Variants in SPRED2 observed in about 807,000 individuals in gnomAD.
SPRED2 encodes the protein sprouty related EVH1 domain containing 2, also known as sprouty-related, EVH1 domain-containing protein 2.
In SPRED2, 47 loss-of-function variants were observed where a neutral mutation model predicts 43.0. The observed-to-expected ratio is 1.09, with a 90% confidence interval of 0.87 to 1.40. The LOEUF (loss-of-function observed/expected upper bound fraction) is 1.40. Ranked by LOEUF, SPRED2 falls within the 40% of genes most tolerant of loss-of-function variation. The probability of loss-of-function intolerance (pLI) is 0.00; values close to 1 mark genes in which losing one functional copy is unlikely to be tolerated. For synonymous variants in SPRED2, 225 were observed against 225.7 expected, an observed-to-expected ratio of 1.00 and a Z score of 0.03; for missense variants, 561 against 586.4, an observed-to-expected ratio of 0.96 and a Z score of 0.45.
At chr2:65,359,487 A>C (rs548441515) in intron 1 of SPRED2, among the ~76,000 whole-genome samples, 3 of 138,490 alleles carry the variant, frequency 2.2e-5, no homozygotes, top group Non-Finnish European at 4.8e-5. Context: ...GAGGCACTAG[A>C]AGGCATTTTT....
chr2:65,345,010 A>T, intron 1 of SPRED2, 114 bp from the exon 2 acceptor site: 1 of 1,054,894 alleles, frequency 9.5e-7, no homozygotes, highest in East Asian at 2.6e-5. Flanking sequence ...TATCGAAAGA[A>T]ATCTATGCTT....
intron 1 of SPRED2, among the ~76,000 whole-genome samples, chr2:65,411,512 G>A (rs972851384): frequency 1.3e-5 from 2 of 152,150 alleles, no homozygotes; most frequent in African/African-American, 4.8e-5. Context: ...TGAAGTAAAT[G>A]GCTTGAAGGG....
chr2:65,425,794 G>C (rs1386725615), intron 1 of SPRED2, among the ~76,000 whole-genome samples: 1 of 152,208 alleles, frequency 6.6e-6, no homozygotes, highest in African/African-American at 2.4e-5. Flanking sequence ...ATATTTCTAA[G>C]AATAAGTTAT....
chr2:65,327,827 G>T (rs764680258), intron 4 of SPRED2, among the ~76,000 whole-genome samples: 1 of 137,590 alleles, frequency 7.3e-6, no homozygotes, highest in Non-Finnish European at 1.5e-5. Flanking sequence ...AGGTTCAAGC[G>T]ATTCTCCTGC....
rs917909294 is a variant in SPRED2, at chr2:65,312,494, T to C, written c.*1007A>G. ...CCTATGGTTTTATTCACCATAACCT[T>C]AGTGTTTCTCAACTGGAACTTGTTC... On this transcript the variant is annotated 3_prime_UTR_variant, in exon 6 of 6. Coordinates refer to ENST00000356388, the MANE Select transcript of SPRED2 (RefSeq NM_181784.3). 2 of 985,318 alleles carry C rather than the reference T, an allele frequency of 2.0e-6. No homozygotes were observed. The highest frequency in any genetic ancestry group is 6.2e-5 in the Admixed American group (1 of 16,260). The allele number at this position is 985,318 out of a possible 1,614,324, so 61.0% of individuals were successfully genotyped here. A position where few individuals can be genotyped will look rare whatever the true frequency, so the allele number is the denominator to read the frequency against.
chr2:65,394,474 A>G (rs180745289), intron 1 of SPRED2, among the ~76,000 whole-genome samples: 1 of 152,344 alleles, frequency 6.6e-6, no homozygotes, highest in Non-Finnish European at 1.5e-5. Context: ...TGAGAATGAG[A>G]AAGGCCTCTG....
chr2:65,369,242 T>C (rs1675056921), intron 1 of SPRED2, among the ~76,000 whole-genome samples: 1 of 152,128 alleles, frequency 6.6e-6, no homozygotes, highest in Non-Finnish European at 1.5e-5. Flanking sequence ...TAAACATTTT[T>C]ATAAGGGGAG....
intron 1 of SPRED2, among the ~76,000 whole-genome samples, chr2:65,361,821 C>T (rs969879629): frequency 6.6e-6 from 1 of 152,210 alleles, no homozygotes; most frequent in African/African-American, 2.4e-5. Flanking sequence ...TTGCTCTTCA[C>T]CCCTCCCAAG....
At chr2:65,325,115 G>A (rs1246845608) in intron 4 of SPRED2, among the ~76,000 whole-genome samples, 6 of 152,164 alleles carry the variant, frequency 3.9e-5, no homozygotes, top group Non-Finnish European at 1.5e-5. Flanking sequence ...TTAGAGGGCT[G>A]GCAATGTGTA....
intron 2 of SPRED2, among the ~76,000 whole-genome samples, chr2:65,340,239 T>C (rs115814617): frequency 0.012 from 1,818 of 152,348 alleles, 33 homozygotes; most frequent in African/African-American, 0.04. Context: ...AATAAAATTT[T>C]GGAGTGTAAA....
chr2:65,399,956 A>C (rs1374708019), intron 1 of SPRED2, among the ~76,000 whole-genome samples: 2 of 152,184 alleles, frequency 1.3e-5, no homozygotes, highest in Non-Finnish European at 2.9e-5. Context: ...CTGTTCCCCC[A>C]AAACCTATTG....
downstream of SPRED2, chr2:65,308,364 G>A: frequency 1.0e-6 from 1 of 985,482 alleles, no homozygotes; most frequent in Non-Finnish European, 1.2e-6. Context: ...CCAGCTTAGT[G>A]CACTTCTGCA....
At chr2:65,307,549 CAAA>C (rs55812957), downstream of SPRED2, among the ~76,000 whole-genome samples, 2 of 104,126 alleles carry the variant, frequency 1.9e-5, no homozygotes, top group Admixed American at 1.0e-4. Flanking sequence ...AACCCCTTCT[CAAA>C]AAAAAAAAAA....
chr2:65,316,862 T>C lies in SPRED2; in HGVS notation c.460A>G (p.Asn154Asp). The C allele has an allele frequency of 6.2e-7, 1 of 1,613,934 alleles. No individual in the cohort carries two copies. Among genetic ancestry groups the C allele is most frequent in the Non-Finnish European group, 8.5e-7 (1 of 1,179,986 alleles). ...GGTTGCTCTCTCTTCTGAGAGGAAT[T>C]AGAAGAACTGTCTGTAGCTGTCTGT... ...VFTTATDSSS[N>D]SSQKREQPTR... is the part of the protein sequence containing the mutation. The change falls in exon 5 of 6, where the codon AAT becomes GAT. Residue 154 changes from asparagine to aspartate, a missense_variant. Around this residue, in one of 6 missense-constraint regions of SPRED2, gnomAD observed 305 missense variants for 282.4 expected, o/e 1.08. Coordinates refer to ENST00000356388, the MANE Select transcript of SPRED2 (RefSeq NM_181784.3).
chr2:65,395,900 C>A (rs1348156124), intron 1 of SPRED2, among the ~76,000 whole-genome samples: 1 of 152,164 alleles, frequency 6.6e-6, no homozygotes, highest in African/African-American at 2.4e-5. Flanking sequence ...TTTCCATCTG[C>A]CTCAAGTCAC....
intron 1 of SPRED2, among the ~76,000 whole-genome samples, chr2:65,365,583 G>A (rs369684896): frequency 8.5e-5 from 13 of 152,224 alleles, no homozygotes; most frequent in African/African-American, 3.1e-4. Flanking sequence ...CTATACACTG[G>A]GCTGCTCCAC....
chr2:65,420,377 G>A (rs1242970789), intron 1 of SPRED2, among the ~76,000 whole-genome samples: 1 of 152,110 alleles, frequency 6.6e-6, no homozygotes, highest in Non-Finnish European at 1.5e-5. Flanking sequence ...GAAACAAAGG[G>A]GCCTCTCACT....
rs532429813 is a variant in SPRED2, at chr2:65,312,010, C to T, written c.*1491G>A. 9.0e-4 allele frequency: 890 copies of T among 985,230 alleles called. No homozygotes were observed. The highest frequency in any genetic ancestry group is 1.1e-3 in the East Asian group (10 of 8,814). 61.0% of individuals were successfully genotyped at this position (985,230 alleles called of 1,614,324 possible). ...CGTGGCGGGAAGAACAGCCGGCGTC[C>T]GCAAGCCTGTCCCCGGTGGTCTCCA... On this transcript the variant is annotated 3_prime_UTR_variant, in exon 6 of 6. Coordinates refer to ENST00000356388, the MANE Select transcript of SPRED2 (RefSeq NM_181784.3).
intron 1 of SPRED2, among the ~76,000 whole-genome samples, chr2:65,407,089 G>A (rs1458669771): frequency 3.3e-5 from 5 of 151,974 alleles, no homozygotes; most frequent in East Asian, 1.9e-4. Flanking sequence ...CACCATGCCC[G>A]GCTAATTTTT....
Sources: gnomAD v4.1 joint callset for allele counts (sites outside exome capture counted in the v4.1 genomes callset) on GRCh38, gnomAD v4.1.1 for gene constraint, gnomAD v4.1.1 regional missense constraint, MANE v1.5 for transcripts, NCBI Gene and HGNC (gene_info 2026-07-23, HGNC 2026-07-21) for gene names.